Variants in TAOK1 observed in about 807,000 individuals in gnomAD.
TAOK1 encodes serine/threonine-protein kinase TAO1.
A neutral mutation model predicts 138.3 loss-of-function variants in TAOK1; 21 were observed. That is an observed-to-expected ratio of 0.15 (90% confidence interval 0.11 to 0.22). TAOK1 has a LOEUF of 0.22. TAOK1 is among the 10% of genes least tolerant of loss of function. The probability of loss-of-function intolerance (pLI) is 1.00; values close to 1 mark genes in which losing one functional copy is unlikely to be tolerated. For synonymous variants in TAOK1, 361 were observed against 398.4 expected, an observed-to-expected ratio of 0.91 and a Z score of 1.12; for missense variants, 651 against 1,227.7, an observed-to-expected ratio of 0.53 and a Z score of 7.02.
chr17:29,442,079 G>T (rs7502065), intron 1 of TAOK1, among the ~76,000 whole-genome samples: 35,481 of 151,170 alleles, frequency 0.23, 4,759 homozygotes, highest in East Asian at 0.65. Flanking sequence ...TTGAGACAGG[G>T]TCATCCAGGT....
chr17:29,467,280 C>CTTT, intron 3 of TAOK1, 64 bp downstream of exon 3: 20 of 889,060 alleles, frequency 2.2e-5, no homozygotes, highest in South Asian at 7.9e-5. Context: ...TATATACATT[C>CTTT]TTTTTTTTTT....
chr17:29,478,185 G>A (rs2030986731), intron 5 of TAOK1, 66 bp from the exon 6 acceptor site: 2 of 1,175,030 alleles, frequency 1.7e-6, no homozygotes, highest in Middle Eastern at 2.9e-4. Flanking sequence ...ATTGCCCCAT[G>A]TATTAGATAT....
chr17:29,509,109 C>T (rs2031674747), intron 14 of TAOK1, among the ~76,000 whole-genome samples: 1 of 152,054 alleles, frequency 6.6e-6, no homozygotes, highest in Admixed American at 6.6e-5. Flanking sequence ...TTTGATGAAA[C>T]AATGTATACA....
At chr17:29,432,596 C>G (rs549657276) in intron 1 of TAOK1, among the ~76,000 whole-genome samples, 32 of 152,312 alleles carry the variant, frequency 2.1e-4, no homozygotes, top group African/African-American at 6.7e-4. Context: ...TCCCAAAGTG[C>G]TGGGATTACA....
chr17:29,522,468 A>T lies in TAOK1; in HGVS notation c.2097A>T (p.Glu699Asp). Residue 699 changes from glutamate to aspartate, a missense_variant, in exon 17 of 20, where the codon GAA becomes GAT. This residue lies in a region of TAOK1 where 258 missense variants were observed against 548.9 expected (regional missense o/e 0.47). Coordinates refer to ENST00000261716, the MANE Select transcript of TAOK1 (RefSeq NM_020791.4). ...QLEYNKRRER[E>D]LRRKHVMEVR... ...AATATAATAAGCGAAGAGAACGAGAACTAAGACGAAAGCATGTCATGGAAG... is the reference window on the plus strand; with the variant it reads ...AATATAATAAGCGAAGAGAACGAGATCTAAGACGAAAGCATGTCATGGAAG... 1.2e-6 allele frequency: 2 copies of T among 1,614,222 alleles called. No homozygotes were observed. The highest frequency in any genetic ancestry group is 1.3e-5 in the African/African-American group (1 of 75,068).
chr17:29,480,285 A>G (rs1290648973), intron 6 of TAOK1, 83 bp from the exon 7 acceptor site: 8 of 959,342 alleles, frequency 8.3e-6, no homozygotes, highest in Admixed American at 5.3e-5. Context: ...TCTCTATCCT[A>G]TGAATTCTTG....
At chr17:29,489,391 G>A (rs571103835) in intron 8 of TAOK1, among the ~76,000 whole-genome samples, 5 of 152,234 alleles carry the variant, frequency 3.3e-5, no homozygotes, top group South Asian at 4.1e-4. Context: ...CCAGCTACTC[G>A]GGAGGCCGAG....
chr17:29,404,821 A>G (rs1463296872), intron 1 of TAOK1, among the ~76,000 whole-genome samples: 1 of 152,166 alleles, frequency 6.6e-6, no homozygotes, highest in African/African-American at 2.4e-5. Context: ...AAACTGTTTA[A>G]TTTTTTGACA....
At chr17:29,522,169 T>C in intron 16 of TAOK1, 111 bp from the exon 17 acceptor site, 1 of 1,378,380 alleles carries the variant, frequency 7.3e-7, no homozygotes, top group Non-Finnish European at 9.8e-7. Context: ...GCAACTATAA[T>C]TGAATAACAG....
intron 3 of TAOK1, among the ~76,000 whole-genome samples, chr17:29,469,510 G>C (rs1250562189): frequency 6.6e-6 from 1 of 152,032 alleles, no homozygotes; most frequent in Non-Finnish European, 1.5e-5. Context: ...TCTACTTTCT[G>C]TCTCCATAAA....
At chr17:29,448,190 C>T (rs1202167254) in intron 1 of TAOK1, among the ~76,000 whole-genome samples, 1 of 151,138 alleles carries the variant, frequency 6.6e-6, no homozygotes, top group African/African-American at 2.4e-5. Context: ...CGTATAGTTT[C>T]TTTTTTTTAT....
intron 12 of TAOK1, among the ~76,000 whole-genome samples, chr17:29,498,787 A>G (rs1192801321): frequency 2.0e-5 from 3 of 152,036 alleles, no homozygotes; most frequent in Non-Finnish European, 2.9e-5. Context: ...GCATGGTGGC[A>G]CGTGCCTGTA....
intron 13 of TAOK1, among the ~76,000 whole-genome samples, chr17:29,503,005 A>G (rs796414): frequency 0.2 from 29,974 of 152,152 alleles, 3,732 homozygotes; most frequent in Non-Finnish European, 0.27. Flanking sequence ...ACTTTTGATT[A>G]GGAGCATAAA....
intron 2 of TAOK1, among the ~76,000 whole-genome samples, chr17:29,456,624 A>G (rs1185854108): frequency 6.6e-6 from 1 of 150,716 alleles, no homozygotes; most frequent in Non-Finnish European, 1.5e-5. Flanking sequence ...AGTGTAATGC[A>G]AATATTCCAA....
chr17:29,526,855 A>G (rs1715415), intron 17 of TAOK1, among the ~76,000 whole-genome samples: 1 of 140,408 alleles, frequency 7.1e-6, no homozygotes, highest in Admixed American at 7.4e-5. Context: ...AAAGCCAGGC[A>G]CAGTGGCTCA....
At chr17:29,518,835 C>T (rs530198707) in intron 16 of TAOK1, among the ~76,000 whole-genome samples, 20 of 152,090 alleles carry the variant, frequency 1.3e-4, no homozygotes, top group Non-Finnish European at 2.1e-4. Flanking sequence ...GTGGCAATCT[C>T]GGCTCATTGC....
chr17:29,506,265 A>G (rs939659736), intron 13 of TAOK1, among the ~76,000 whole-genome samples: 4 of 152,208 alleles, frequency 2.6e-5, no homozygotes, highest in African/African-American at 7.2e-5. Context: ...TATATACACA[A>G]TGGAATACCA....
chr17:29,412,008 C>T (rs951838098), intron 1 of TAOK1, among the ~76,000 whole-genome samples: 2 of 151,684 alleles, frequency 1.3e-5, no homozygotes, highest in African/African-American at 4.8e-5. Flanking sequence ...TTCCTTCCTT[C>T]TTTCCTTCCT....
At chr17:29,418,753 G>C (rs1905333977) in intron 1 of TAOK1, among the ~76,000 whole-genome samples, 1 of 151,638 alleles carries the variant, frequency 6.6e-6, no homozygotes, top group African/African-American at 2.4e-5. Flanking sequence ...TTCAAGTTTT[G>C]CTTTTTGGAA....
Sources: gnomAD v4.1 joint callset for allele counts (sites outside exome capture counted in the v4.1 genomes callset) on GRCh38, gnomAD v4.1.1 for gene constraint, gnomAD v4.1.1 regional missense constraint, MANE v1.5 for transcripts, NCBI Gene and HGNC (gene_info 2026-07-23, HGNC 2026-07-21) for gene names.